The following ABCA13 variants were observed in gnomAD, a reference collection of about 807,000 sequenced individuals.
ABCA13 encodes ATP-binding cassette sub-family A member 13.
ABCA13 carries 476 observed loss-of-function variants against 478.7 expected under a neutral mutation model. The observed-to-expected ratio is 0.99, with a 90% CI of 0.92 to 1.07. The LOEUF (loss-of-function observed/expected upper bound fraction) is 1.07. ABCA13 is among the 50% of genes least tolerant of loss of function. The pLI is 0.00. For synonymous variants in ABCA13, 2,252 were observed against 2,158.9 expected (o/e 1.04, Z -1.20); for missense variants, 6,060 against 5,910.6 (o/e 1.03, Z -0.83).
chr7:48,408,052 A>G (rs118032232), intron 39 of ABCA13, among the ~76,000 whole-genome samples: 69 of 152,308 alleles, frequency 4.5e-4, no homozygotes, highest in African/African-American at 1.6e-3. Flanking sequence ...TTACATGTGC[A>G]TCACCTCACA....
At chr7:48,227,706 C>T (rs946609134) in intron 6 of ABCA13, among the ~76,000 whole-genome samples, 8 of 152,104 alleles carry the variant, frequency 5.3e-5, no homozygotes, top group African/African-American at 1.9e-4. Flanking sequence ...TTATAAATGG[C>T]CAGTTTTAAT....
At chr7:48,173,037 T>G (rs191063944) in intron 1 of ABCA13, among the ~76,000 whole-genome samples, 1 of 152,292 alleles carries the variant, frequency 6.6e-6, no homozygotes, top group East Asian at 1.9e-4. Flanking sequence ...TTTATGCATA[T>G]CTACCTCAAA....
chr7:48,372,575 C>A, intron 33 of ABCA13, 78 bp downstream of exon 33: 2 of 1,189,468 alleles, frequency 1.7e-6, no homozygotes, highest in Non-Finnish European at 1.2e-6. Context: ...AATCCCACCA[C>A]TCTCACTTTT....
chr7:48,281,288 A>G (rs1047437763), intron 18 of ABCA13, 55 bp from the exon 19 acceptor site: 2 of 1,422,900 alleles, frequency 1.4e-6, no homozygotes, highest in African/African-American at 2.8e-5. Flanking sequence ...GTAGAGATGC[A>G]CATGGGTTGC....
intron 5 of ABCA13, among the ~76,000 whole-genome samples, chr7:48,223,653 G>T (rs1787696550): frequency 1.3e-5 from 2 of 152,016 alleles, no homozygotes; most frequent in South Asian, 2.1e-4. Context: ...GACTGGAGTG[G>T]GTTTAAAAGA....
At chr7:48,441,574 A>T (rs921191963) in intron 42 of ABCA13, among the ~76,000 whole-genome samples, 1 of 152,232 alleles carries the variant, frequency 6.6e-6, no homozygotes, top group African/African-American at 2.4e-5. Flanking sequence ...GAAATGAGTT[A>T]TGAAGACCGA....
At chr7:48,548,796 T>C (rs1785051859) in intron 55 of ABCA13, among the ~76,000 whole-genome samples, 1 of 151,640 alleles carries the variant, frequency 6.6e-6, no homozygotes, top group Non-Finnish European at 1.5e-5. Flanking sequence ...TGCCAGGGTG[T>C]TTTCTGCATG....
At chr7:48,187,019 G>GTATATATA (rs773804724) in intron 1 of ABCA13, among the ~76,000 whole-genome samples, 66 of 145,140 alleles carry the variant, frequency 4.5e-4, no homozygotes, top group African/African-American at 1.1e-3. Context: ...ATGTGTGTGT[G>GTATATATA]TATATATATA....
chr7:48,513,778 A>G (rs149846191), intron 51 of ABCA13, among the ~76,000 whole-genome samples: 1,628 of 152,298 alleles, frequency 0.011, 28 homozygotes, highest in African/African-American at 0.037. Context: ...TTTTTCTTAT[A>G]AAATAGGAGA....
At chr7:48,183,665 T>G (rs531665379) in intron 1 of ABCA13, among the ~76,000 whole-genome samples, 11 of 152,334 alleles carry the variant, frequency 7.2e-5, no homozygotes, top group African/African-American at 2.6e-4. Flanking sequence ...GGACAGAAAC[T>G]AGGTCATGTT....
At chr7:48,541,093 T>C (rs1267791304) in intron 55 of ABCA13, among the ~76,000 whole-genome samples, 7 of 152,104 alleles carry the variant, frequency 4.6e-5, no homozygotes, top group Admixed American at 2.0e-4. Flanking sequence ...AAACTAGCAG[T>C]CTCATATCTG....
intron 1 of ABCA13, among the ~76,000 whole-genome samples, chr7:48,173,765 T>A (rs1326350983): frequency 6.6e-6 from 1 of 152,256 alleles, no homozygotes; most frequent in African/African-American, 2.4e-5. Flanking sequence ...GGCAATTTCT[T>A]AACTTAGTTT....
At chr7:48,519,930 G>A in intron 52 of ABCA13, 111 bp from the exon 53 acceptor site, 2 of 1,121,140 alleles carry the variant, frequency 1.8e-6, no homozygotes. Context: ...AGTTGGGATA[G>A]GGAAGACCTG....
At chr7:48,242,055 A>T (rs935275460) in intron 10 of ABCA13, among the ~76,000 whole-genome samples, 1 of 152,212 alleles carries the variant, frequency 6.6e-6, no homozygotes, top group Non-Finnish European at 1.5e-5. Flanking sequence ...GGGACAAAAC[A>T]TCTGTCATAA....
intron 8 of ABCA13, among the ~76,000 whole-genome samples, chr7:48,236,822 C>T (rs1037621137): frequency 1.3e-5 from 2 of 152,158 alleles, no homozygotes; most frequent in African/African-American, 4.8e-5. Context: ...CTTGGGGGAA[C>T]ATTGCCTGCT....
intron 29 of ABCA13, among the ~76,000 whole-genome samples, chr7:48,345,516 A>AG (rs1807937825): frequency 2.6e-5 from 1 of 39,172 alleles, no homozygotes; most frequent in Non-Finnish European, 4.9e-5. Context: ...TTAGTTTTTA[A>AG]CAAAAAATTT....
intron 55 of ABCA13, among the ~76,000 whole-genome samples, chr7:48,535,447 T>C (rs2131085503): frequency 6.6e-6 from 1 of 152,270 alleles, no homozygotes; most frequent in East Asian, 1.9e-4. Flanking sequence ...GTTCCTTGGT[T>C]GTATTTTTGT....
At chr7:48,416,872 G>A (rs1415347322) in intron 41 of ABCA13, among the ~76,000 whole-genome samples, 1 of 151,422 alleles carries the variant, frequency 6.6e-6, no homozygotes, top group East Asian at 1.9e-4. Flanking sequence ...AGAGCTTGCT[G>A]TACTTCAGTC....
At chr7:48,355,644 C>T (rs995829345) in intron 31 of ABCA13, among the ~76,000 whole-genome samples, 1 of 151,864 alleles carries the variant, frequency 6.6e-6, no homozygotes. Context: ...TGGCTTGGTC[C>T]AGTGTGGTAG....
Sources: gnomAD v4.1 joint callset for allele counts (sites outside exome capture counted in the v4.1 genomes callset) on GRCh38, gnomAD v4.1.1 for gene constraint, MANE v1.5 for transcripts, NCBI Gene and HGNC (gene_info 2026-07-23, HGNC 2026-07-21) for gene names.